Variants in EPSTI1 observed in about 807,000 individuals in gnomAD.
EPSTI1 encodes epithelial stromal interaction 1, also known as epithelial-stromal interaction protein 1.
EPSTI1 carries 66 observed loss-of-function variants against 49.9 expected under a neutral mutation model. The ratio of observed to expected loss-of-function variants is 1.32; its 90% CI spans 1.08 to 1.62. The LOEUF is 1.62. Among genes scored for constraint, EPSTI1 ranks in the 40% most tolerant of loss-of-function variants. The pLI, the probability that EPSTI1 is intolerant of heterozygous loss-of-function variation, is 0.00. For missense variants in EPSTI1, 394 were observed against 365.5 expected, an observed-to-expected ratio of 1.08 and a Z score of -0.64; for synonymous variants, 137 against 130.7, an observed-to-expected ratio of 1.05 and a Z score of -0.33.
At chr13:42,964,192 C>G in intron 3 of EPSTI1, 53 bp from the exon 4 acceptor site, 2 of 1,448,540 alleles carry the variant, frequency 1.4e-6, no homozygotes, top group Non-Finnish European at 1.9e-6. Context: ...GCTGAAATGT[C>G]AGCCATCGAG....
At chr13:42,982,862 C>T (rs1296032084) in intron 1 of EPSTI1, among the ~76,000 whole-genome samples, 5 of 152,186 alleles carry the variant, frequency 3.3e-5, no homozygotes, top group Admixed American at 2.6e-4. Flanking sequence ...CCTCCCTCCT[C>T]CCTAAACCCA....
chr13:42,890,166 T>C (rs1325453060), intron 10 of EPSTI1, among the ~76,000 whole-genome samples: 3 of 152,240 alleles, frequency 2.0e-5, no homozygotes, highest in Non-Finnish European at 4.4e-5. Flanking sequence ...CTCAGTTCTT[T>C]GCTTTGATTC....
At chr13:42,927,010 C>CACACAA (rs1460760240) in intron 6 of EPSTI1, among the ~76,000 whole-genome samples, 32 of 151,576 alleles carry the variant, frequency 2.1e-4, no homozygotes, top group African/African-American at 5.8e-4. Context: ...CACACACACA[C>CACACAA]ACACACACAC....
intron 1 of EPSTI1, among the ~76,000 whole-genome samples, chr13:42,979,276 T>C (rs548862283): frequency 6.6e-6 from 1 of 152,304 alleles, no homozygotes; most frequent in South Asian, 2.1e-4. Flanking sequence ...TTTCCCCCAA[T>C]GTTTTAAGAA....
At chr13:42,917,968 C>G (rs1434554117) in intron 7 of EPSTI1, among the ~76,000 whole-genome samples, 1 of 152,136 alleles carries the variant, frequency 6.6e-6, no homozygotes, top group Non-Finnish European at 1.5e-5. Flanking sequence ...CAAGAATATT[C>G]CGACTAGCTG....
At position 42,917,639 on chromosome 13, in the gene EPSTI1, A is replaced by AGT; in HGVS notation, c.658-16_658-15insAC. 4.4e-6 allele frequency: 5 copies of AGT among 1,133,188 alleles called. No individual in the cohort carries two copies. Among genetic ancestry groups the AGT allele is most frequent in the African/African-American group, 2.1e-5 (1 of 47,180 alleles). 70.2% of individuals were successfully genotyped at this position (1,133,188 alleles called of 1,614,324 possible). The stretch of plus-strand genomic sequence containing the variant: ...CAGCTTCTGGCCTGTAAAGGTACAA[A>AGT]GAGAAAAAAAAAAAAAAAAACAACT... On this transcript the variant is annotated splice_polypyrimidine_tract_variant and intron_variant, in intron 7 of 10. Coordinates refer to ENST00000313624, the MANE Select transcript of EPSTI1 (RefSeq NM_033255.5).
At chr13:42,953,002 T>C (rs937986261) in intron 6 of EPSTI1, among the ~76,000 whole-genome samples, 1 of 152,032 alleles carries the variant, frequency 6.6e-6, no homozygotes, top group African/African-American at 2.4e-5. Flanking sequence ...GGAACAACAA[T>C]GGAGTGAGAG....
At chr13:42,951,659 G>A (rs2039101718) in intron 6 of EPSTI1, among the ~76,000 whole-genome samples, 1 of 152,216 alleles carries the variant, frequency 6.6e-6, no homozygotes, top group Non-Finnish European at 1.5e-5. Context: ...AAGGAGGTTG[G>A]ACGCACAGCT....
intron 5 of EPSTI1, among the ~76,000 whole-genome samples, chr13:42,962,979 TG>T (rs1186441616): frequency 3.3e-5 from 5 of 152,232 alleles, no homozygotes; most frequent in African/African-American, 4.8e-5. Context: ...ACCCTGTTCC[TG>T]GTGATGACTT....
intron 6 of EPSTI1, among the ~76,000 whole-genome samples, chr13:42,940,664 T>C (rs2038723213): frequency 6.6e-6 from 1 of 152,156 alleles, no homozygotes; most frequent in Non-Finnish European, 1.5e-5. Flanking sequence ...AGCCTCTAAC[T>C]CCTGGCTCAA....
At position 42,992,195 on chromosome 13, in the gene EPSTI1, G is replaced by A. The variant is rs1398364854; in HGVS notation, c.-30C>T. ...CACAGCCCGCGGGTCCCGGGCCGCC[G>A]TCGCTGCGGGAGGGATGCGGCTGGG... On this transcript the variant is annotated 5_prime_UTR_variant, in exon 1 of 11. In the 5' UTR this introduces an upstream ATG that the reference lacks. Transcript: ENST00000313624. The A allele has an allele frequency of 6.6e-7, 1 of 1,512,180 alleles. No individual in the cohort carries two copies. Among genetic ancestry groups the A allele is most frequent in the South Asian group, 1.3e-5 (1 of 76,238 alleles). The allele number at this position is 1,512,180 out of a possible 1,614,324, so 93.7% of individuals were successfully genotyped here.
chr13:42,965,840 C>T lies in EPSTI1; in HGVS notation c.332-1701G>A, dbSNP rs1485259185. 5.2e-5 allele frequency among the ~76,000 whole-genome samples: 3 copies of T among 57,326 alleles called. 1 individual carries two copies. Among genetic ancestry groups the T allele is most frequent in the African/African-American group, 1.5e-4 (3 of 20,446 alleles). The allele number at this position is 57,326 out of a possible 152,430, so 37.6% of individuals were successfully genotyped here. Reference sequence around the variant, plus strand: ...CTCTCCCCACGGTCTCCCTCTCATGCGGAGCCGAAGCTGGACTGTACTGCT... The same window carrying T: ...CTCTCCCCACGGTCTCCCTCTCATGTGGAGCCGAAGCTGGACTGTACTGCT... On this transcript the variant is annotated intron_variant, in intron 3 of 10. Coordinates refer to ENST00000313624, the MANE Select transcript of EPSTI1 (RefSeq NM_033255.5).
At chr13:42,907,325 G>T (rs1430770764) in intron 8 of EPSTI1, among the ~76,000 whole-genome samples, 1 of 152,142 alleles carries the variant, frequency 6.6e-6, no homozygotes, top group African/African-American at 2.4e-5. Context: ...TTATTAAAAT[G>T]TGGTAGTAAT....
chr13:42,889,306 G>T, intron 10 of EPSTI1: 1 of 1,013,174 alleles, frequency 9.9e-7, no homozygotes, highest in South Asian at 1.7e-5. Flanking sequence ...AAATGTATAT[G>T]TTAAGAAATA....
chr13:42,902,037 G>A (rs2037375795), intron 8 of EPSTI1, among the ~76,000 whole-genome samples: 1 of 151,286 alleles, frequency 6.6e-6, no homozygotes, highest in East Asian at 1.9e-4. Context: ...TTGTTCTTGC[G>A]ATAGTTTACT....
rs757219997 is a variant in EPSTI1, at chr13:42,992,069, C to A, written c.97G>T (p.Glu33Ter). The A allele has an allele frequency of 1.9e-6, 3 of 1,613,340 alleles. No homozygotes were observed. The highest frequency in any genetic ancestry group is 1.1e-5 in the South Asian group (1 of 91,082). Reference sequence around the variant, plus strand: ...CTCTGGTCTTCCACGGGGCTCAGCTCCCCTTGCCGCCCAGAAGGGTCCTGG... The same window carrying A: ...CTCTGGTCTTCCACGGGGCTCAGCTACCCTTGCCGCCCAGAAGGGTCCTGG... ...DPQDPSGRQG[E>*]LSPVEDQREG... Residue 33 changes from glutamate to a stop codon, truncating the protein, a stop_gained, in exon 1 of 11, where the codon GAG (glutamate) becomes TAG (stop). Transcript: ENST00000313624. LOFTEE classifies it high-confidence loss of function.
chr13:42,985,596 T>C (rs1469284752), intron 1 of EPSTI1, among the ~76,000 whole-genome samples: 3 of 152,196 alleles, frequency 2.0e-5, no homozygotes, highest in Non-Finnish European at 2.9e-5. Flanking sequence ...CTCAGTGTTA[T>C]ACAGTTCTGA....
At chr13:42,979,595 AAAAAAAAG>A (rs2039950017) in intron 1 of EPSTI1, among the ~76,000 whole-genome samples, 1 of 124,212 alleles carries the variant, frequency 8.1e-6, no homozygotes, top group African/African-American at 3.0e-5. Flanking sequence ...AAAAAAAAAA[AAAAAAAAG>A]AAAAGAAAAG....
At chr13:42,904,322 C>G (rs534645692) in intron 8 of EPSTI1, among the ~76,000 whole-genome samples, 1 of 152,306 alleles carries the variant, frequency 6.6e-6, no homozygotes, top group South Asian at 2.1e-4. Context: ...CACAGATAAA[C>G]TACAGGTTGC....
Sources: gnomAD v4.1 joint callset for allele counts (sites outside exome capture counted in the v4.1 genomes callset) on GRCh38, gnomAD v4.1.1 for gene constraint, MANE v1.5 for transcripts, NCBI Gene and HGNC (gene_info 2026-07-23, HGNC 2026-07-21) for gene names.